Variants in RP1 observed in about 807,000 individuals in gnomAD.
RP1 encodes the protein RP1 axonemal microtubule associated, also known as oxygen-regulated protein 1.
RP1 carries 16 observed loss-of-function variants against 14.8 expected under a neutral mutation model. That is an observed-to-expected ratio of 1.08 (90% CI 0.73 to 1.65). RP1 has a LOEUF of 1.65. Ranked by LOEUF, RP1 falls within the 40% of genes most tolerant of loss-of-function variation. The probability of loss-of-function intolerance (pLI) is 0.00; values close to 1 mark genes in which losing one functional copy is unlikely to be tolerated. For missense variants in RP1, 2,631 were observed against 2,535.0 expected, an observed-to-expected ratio of 1.04 and a Z score of -0.81; for synonymous variants, 876 against 883.6, an observed-to-expected ratio of 0.99 and a Z score of 0.15.
At chr8:54,599,803 G>C (rs1186943770) in intron 1 of RP1, among the ~76,000 whole-genome samples, 2 of 152,166 alleles carry the variant, frequency 1.3e-5, no homozygotes, top group Non-Finnish European at 2.9e-5. Flanking sequence ...TTGGTATGAT[G>C]AGTGCTTTTT....
chr8:54,584,313 G>A (rs1804865646), intron 1 of RP1, among the ~76,000 whole-genome samples: 1 of 152,216 alleles, frequency 6.6e-6, no homozygotes, highest in Admixed American at 6.5e-5. Context: ...GAGCGGTTTT[G>A]AGTGAGTTTC....
At chr8:54,685,065 G>A (rs1807529358) in intron 12 of RP1, among the ~76,000 whole-genome samples, 1 of 151,994 alleles carries the variant, frequency 6.6e-6, no homozygotes, top group Non-Finnish European at 1.5e-5. Context: ...TGGGTTGATA[G>A]GTGCAGCAGT....
chr8:54,823,115 G>A (rs181889437), intron 24 of RP1, among the ~76,000 whole-genome samples: 32 of 151,986 alleles, frequency 2.1e-4, no homozygotes, highest in Admixed American at 3.9e-4. Context: ...ACTCCCCGCC[G>A]CCCCCTCAGC....
At chr8:54,696,528 G>C (rs909129839) in intron 12 of RP1, 1 of 785,996 alleles carries the variant, frequency 1.3e-6, no homozygotes, top group Non-Finnish European at 2.2e-6. Flanking sequence ...CAGAGGAAAG[G>C]AAAAGGGCTC....
At chr8:54,688,969 G>A (rs1250710726) in intron 12 of RP1, among the ~76,000 whole-genome samples, 1 of 152,090 alleles carries the variant, frequency 6.6e-6, no homozygotes, top group Non-Finnish European at 1.5e-5. Context: ...CCATTTGTTT[G>A]TGTCATCTTT....
At chr8:54,564,939 A>G (rs1426313714) in intron 1 of RP1, among the ~76,000 whole-genome samples, 1 of 152,112 alleles carries the variant, frequency 6.6e-6, no homozygotes, top group African/African-American at 2.4e-5. Flanking sequence ...TATTTTTTGT[A>G]GAGATGAGAT....
rs559293698 is a variant in RP1 at position 54,586,607 on chromosome 8, GAGGC to G, written c.-13+27296_-13+27299del. Among the ~76,000 whole-genome samples the G allele has an allele frequency of 1.5e-3, 236 of 152,350 alleles. 2 individuals are homozygous for G. Among genetic ancestry groups the G allele is most frequent in the African/African-American group, 5.1e-3 (210 of 41,580 alleles). On this transcript the variant is annotated intron_variant, in intron 1 of 22. Coordinates refer to the RP1 transcript ENST00000636932. Reference sequence around the variant, plus strand: ...CCTGCCCCCAGAGGTGGAGTCTACAGAGGCAGGCAGGCCTCCTTGAGGTGCTGTG... The same window carrying G: ...CCTGCCCCCAGAGGTGGAGTCTACAGAGGCAGGCCTCCTTGAGGTGCTGTG...
At chr8:54,594,509 G>C (rs573751765) in intron 1 of RP1, among the ~76,000 whole-genome samples, 3 of 152,156 alleles carry the variant, frequency 2.0e-5, no homozygotes, top group African/African-American at 7.2e-5. Context: ...AAAAGCTCTG[G>C]AGACAATTAG....
intron 7 of RP1, among the ~76,000 whole-genome samples, chr8:54,665,401 T>G (rs1806994337): frequency 6.6e-6 from 1 of 152,152 alleles, no homozygotes; most frequent in Non-Finnish European, 1.5e-5. Flanking sequence ...AACTACTGTC[T>G]TTGTTTTTAG....
chr8:54,562,415 T>C (rs10094393), intron 1 of RP1, among the ~76,000 whole-genome samples: 123,746 of 152,188 alleles, frequency 0.81, 51,040 homozygotes, highest in Non-Finnish European at 0.89. Flanking sequence ...AGGCTGGGTG[T>C]GGTGGCTCAC....
chr8:54,785,788 G>A (rs1810304479), intron 24 of RP1, among the ~76,000 whole-genome samples: 1 of 152,050 alleles, frequency 6.6e-6, no homozygotes, highest in African/African-American at 2.4e-5. Flanking sequence ...GACTAATGAT[G>A]TTGAGCACCT....
In RP1 at chr8:54,821,655, T is replaced by C. The variant is rs1811258480; in HGVS notation, c.3616-15795T>C. 2.0e-5 allele frequency among the ~76,000 whole-genome samples: 3 copies of C among 152,122 alleles called. No homozygotes were observed. In the South Asian group the frequency reaches 6.2e-4, roughly 32 times the overall value. On this transcript the variant is annotated intron_variant, in intron 24 of 28. Coordinates refer to the RP1 transcript ENST00000637698. ...TGAAGTCTCACACTCTAAGAGCAACTTAATGTGTTAAACTGGAAAAAAAAA... is the reference window on the plus strand; with the variant it reads ...TGAAGTCTCACACTCTAAGAGCAACCTAATGTGTTAAACTGGAAAAAAAAA...
intron 27 of RP1, among the ~76,000 whole-genome samples, chr8:54,862,301 C>T (rs530125023): frequency 5.3e-5 from 8 of 152,108 alleles, no homozygotes; most frequent in South Asian, 2.1e-4. Flanking sequence ...ACTTCTATTA[C>T]GTCATATGCT....
chr8:54,801,293 G>T (rs1810699727), intron 24 of RP1, among the ~76,000 whole-genome samples: 1 of 152,144 alleles, frequency 6.6e-6, no homozygotes, highest in Admixed American at 6.6e-5. Flanking sequence ...GTGTTGAGAG[G>T]GTGGGGCAGT....
chr8:54,822,840 A>C (rs955850635), intron 24 of RP1, among the ~76,000 whole-genome samples: 8 of 152,226 alleles, frequency 5.3e-5, no homozygotes, highest in African/African-American at 1.9e-4. Context: ...AACTATACAC[A>C]TGCAATCTCT....
At chr8:54,583,429 G>A (rs867942321) in intron 1 of RP1, among the ~76,000 whole-genome samples, 4 of 152,084 alleles carry the variant, frequency 2.6e-5, no homozygotes, top group Middle Eastern at 3.2e-3. Context: ...TTTTTGCATT[G>A]ATGTTCATCA....
chr8:54,777,090 T>C (rs1372337660), intron 23 of RP1, among the ~76,000 whole-genome samples: 1 of 152,196 alleles, frequency 6.6e-6, no homozygotes, highest in Non-Finnish European at 1.5e-5. Flanking sequence ...TTCTTTCCGA[T>C]AAAATGTAGG....
At chr8:54,610,709 C>A (rs1294848949) in intron 1 of RP1, among the ~76,000 whole-genome samples, 3 of 152,156 alleles carry the variant, frequency 2.0e-5, no homozygotes, top group Non-Finnish European at 4.4e-5. Context: ...TCTCATTCCC[C>A]ACAGCCAATC....
rs779999712 is a variant in RP1, at chr8:54,627,656, A to C, written c.3774A>C (p.Pro1258=). 3.7e-6 allele frequency: 6 copies of C among 1,614,198 alleles called. No individual in the cohort carries two copies. In the East Asian group the frequency reaches 8.9e-5, roughly 24 times the overall value. ...GTGTTTTGGAAGTGACTTGCTCTCC[A>C]TGTGAGATGTGCACTGTAAATAAGG... The part of the protein sequence containing the change: ...EVCVLEVTCS[P]CEMCTVNKAY... Residue 1258 remains proline, a synonymous_variant, in exon 4 of 4, where the codon CCA becomes CCC. Transcript: ENST00000220676.
Sources: allele counts gnomAD v4.1 joint callset (sites outside exome capture counted in the v4.1 genomes callset), GRCh38; gene constraint gnomAD v4.1.1; transcripts MANE v1.5; gene names NCBI Gene and HGNC (gene_info 2026-07-23, HGNC 2026-07-21).